FAM171B: variants seen among roughly 807,000 people sequenced by gnomAD.
FAM171B encodes family with sequence similarity 171 member B, also known as protein FAM171B.
In FAM171B, 19 loss-of-function variants were observed where a neutral mutation model predicts 75.6. That is an observed-to-expected ratio of 0.25 (90% CI 0.18 to 0.37). The LOEUF (loss-of-function observed/expected upper bound fraction) is 0.37, where lower values mean the gene tolerates loss of function less well. Ranked by LOEUF, FAM171B falls within the 10% of genes least tolerant of loss-of-function variation. The pLI, the probability that FAM171B is intolerant of heterozygous loss-of-function variation, is 1.00. For synonymous variants in FAM171B, 367 were observed against 361.7 expected (o/e 1.01, Z -0.17); for missense variants, 848 against 982.4 (o/e 0.86, Z 1.83).
At chr2:186,755,360 G>A (rs1044448405) in intron 6 of FAM171B, among the ~76,000 whole-genome samples, 1 of 152,110 alleles carries the variant, frequency 6.6e-6, no homozygotes, top group Admixed American at 6.5e-5. Context: ...TAAAAACAAA[G>A]CAAAACATTT....
intron 1 of FAM171B, among the ~76,000 whole-genome samples, chr2:186,701,823 T>C (rs181367583): frequency 5.3e-5 from 8 of 152,326 alleles, no homozygotes; most frequent in African/African-American, 1.7e-4. Context: ...ACCAATTATT[T>C]TTCTGAAACA....
intron 1 of FAM171B, among the ~76,000 whole-genome samples, chr2:186,705,551 A>G (rs181143823): frequency 4.3e-4 from 66 of 152,070 alleles, no homozygotes; most frequent in African/African-American, 1.4e-3. Context: ...GGCATCTCTG[A>G]CCCCTGAAAG....
chr2:186,716,819 T>C (rs1162556643), intron 1 of FAM171B, among the ~76,000 whole-genome samples: 2 of 152,248 alleles, frequency 1.3e-5, no homozygotes, highest in Non-Finnish European at 2.9e-5. Flanking sequence ...ATATTTTTCA[T>C]GTTTTTCCTC....
At chr2:186,751,381 C>T (rs111912488) in intron 5 of FAM171B, 77 bp downstream of exon 5, 283 of 1,277,228 alleles carry the variant, frequency 2.2e-4, no homozygotes, top group Non-Finnish European at 1.4e-5. Flanking sequence ...TATCTTAGAA[C>T]TTGATACAGC....
chr2:186,739,261 G>GCACC, intron 1 of FAM171B, among the ~76,000 whole-genome samples: 1 of 152,096 alleles, frequency 6.6e-6, no homozygotes, highest in Non-Finnish European at 1.5e-5. Flanking sequence ...TGTAGACTCT[G>GCACC]CAAACACTCC....
intron 4 of FAM171B, among the ~76,000 whole-genome samples, chr2:186,748,082 C>T (rs1690394784): frequency 1.3e-5 from 2 of 152,024 alleles, no homozygotes; most frequent in Admixed American, 1.3e-4. Context: ...ACCACCACAC[C>T]CAGCTAATCT....
At position 186,762,629 on chromosome 2, in the gene FAM171B, A is replaced by T. The variant is rs1475344327; in HGVS notation, c.2287A>T (p.Ile763Phe). 1 of 1,613,284 alleles carries T rather than the reference A, an allele frequency of 6.2e-7. No individual in the cohort carries two copies. Among genetic ancestry groups the T allele is most frequent in the Non-Finnish European group, 8.5e-7 (1 of 1,179,700 alleles). The change falls in exon 8 of 8, where the codon ATC becomes TTC. Residue 763 changes from isoleucine to phenylalanine, a missense_variant. By Grantham distance (21) the Ile-to-Phe change is conservative. This residue lies in a region of FAM171B where 136 missense variants were observed against 159.3 expected (regional missense o/e 0.85). Transcript: ENST00000304698. This position sits in a 1 kb window ranked among gnomAD's most constrained non-coding sequence, Gnocchi z 4.0. ...CSPEDPALRH[I>F]LDGGSGVIME... ...CCCTGAGGACCCAGCTTTAAGGCAC[A>T]TCCTAGATGGAGGGAGTGGAGTGAT...
At chr2:186,722,798 G>GTTAA (rs1407026442) in intron 1 of FAM171B, among the ~76,000 whole-genome samples, 1 of 152,128 alleles carries the variant, frequency 6.6e-6, no homozygotes, top group Non-Finnish European at 1.5e-5. Flanking sequence ...ATTGAAAAGT[G>GTTAA]TTAACATGGA....
chr2:186,757,290 G>GAAAC (rs1399038366), intron 6 of FAM171B, among the ~76,000 whole-genome samples: 1 of 152,004 alleles, frequency 6.6e-6, no homozygotes, highest in African/African-American at 2.4e-5. Flanking sequence ...TCTATGTTAG[G>GAAAC]AAACAGGATC....
chr2:186,747,931 TTTTTC>T (rs1232724163), intron 4 of FAM171B, among the ~76,000 whole-genome samples: 1 of 152,156 alleles, frequency 6.6e-6, no homozygotes, highest in African/African-American at 2.4e-5. Context: ...CACCATTTTT[TTTTTC>T]TTTTGAGACA....
intron 1 of FAM171B, among the ~76,000 whole-genome samples, chr2:186,739,556 A>G (rs1036226305): frequency 2.0e-5 from 3 of 152,118 alleles, no homozygotes; most frequent in African/African-American, 4.8e-5. Flanking sequence ...CCAGGCCTAC[A>G]CAGGGCAGGA....
intron 1 of FAM171B, among the ~76,000 whole-genome samples, chr2:186,727,585 G>C (rs1341757753): frequency 1.3e-5 from 2 of 151,648 alleles, no homozygotes; most frequent in Admixed American, 1.3e-4. Context: ...TCCAGTAAAA[G>C]TTTATTTACA....
intron 1 of FAM171B, among the ~76,000 whole-genome samples, chr2:186,728,913 G>A (rs1690073055): frequency 6.6e-6 from 1 of 152,094 alleles, no homozygotes; most frequent in South Asian, 2.1e-4. Flanking sequence ...AGACGTAAAT[G>A]TCACCCAAAT....
chr2:186,733,417 A>G (rs767958490), intron 1 of FAM171B, among the ~76,000 whole-genome samples: 32 of 152,270 alleles, frequency 2.1e-4, no homozygotes, highest in Non-Finnish European at 3.8e-4. Context: ...TCCCCCAAGA[A>G]TTTGGAGGTT....
At chr2:186,738,393 A>C (rs571800243) in intron 1 of FAM171B, among the ~76,000 whole-genome samples, 3 of 151,958 alleles carry the variant, frequency 2.0e-5, no homozygotes, top group African/African-American at 7.2e-5. Context: ...TGGAGAGGGG[A>C]CCCTGAAAGC....
chr2:186,752,661 C>T (rs930167469), intron 5 of FAM171B, among the ~76,000 whole-genome samples: 38 of 152,246 alleles, frequency 2.5e-4, no homozygotes, highest in African/African-American at 8.4e-4. Flanking sequence ...TCTAATGTAC[C>T]TTTCAGTGAC....
rs1453146682 is a variant in FAM171B, at chr2:186,761,633, A to G, written c.1291A>G (p.Lys431Glu). 2 of 1,612,420 alleles carry G rather than the reference A, an allele frequency of 1.2e-6. No homozygotes were observed. Among genetic ancestry groups the G allele is most frequent in the Non-Finnish European group, 1.7e-6 (2 of 1,179,116 alleles). ...AEDKSQLFNA[K>E]NSSYSPQKKE... ...GGACAAGTCGCAGTTATTCAATGCCAAAAACTCCTCATATAGTCCTCAGAA... is the reference window on the plus strand; with the variant it reads ...GGACAAGTCGCAGTTATTCAATGCCGAAAACTCCTCATATAGTCCTCAGAA... Residue 431 changes from lysine to glutamate, a missense_variant, in exon 8 of 8, where the codon AAA becomes GAA. Physicochemically the swap from Lys to Glu is moderately conservative, Grantham distance 56 (BLOSUM62 1). Around this residue, in one of 3 missense-constraint regions of FAM171B, gnomAD observed 665 missense variants for 729.0 expected, o/e 0.91. Coordinates refer to ENST00000304698, the MANE Select transcript of FAM171B (RefSeq NM_177454.4).
At chr2:186,743,353 G>T in intron 2 of FAM171B, 130 bp from the exon 3 acceptor site, 5 of 591,564 alleles carry the variant, frequency 8.5e-6, no homozygotes, top group South Asian at 2.2e-5. Context: ...GTTTTGAATT[G>T]CTCTTCCCAT....
chr2:186,695,671 T>A (rs1277539829), intron 1 of FAM171B, among the ~76,000 whole-genome samples: 1 of 152,186 alleles, frequency 6.6e-6, no homozygotes, highest in Admixed American at 6.5e-5. Flanking sequence ...GGAAAGCATG[T>A]GTTTCTGACA....
Sources: gnomAD v4.1 joint callset for allele counts (sites outside exome capture counted in the v4.1 genomes callset) on GRCh38, gnomAD v4.1.1 for gene constraint, gnomAD v4.1.1 regional missense constraint, Gnocchi (gnomAD v3.1) non-coding constraint, MANE v1.5 for transcripts, NCBI Gene and HGNC (gene_info 2026-07-23, HGNC 2026-07-21) for gene names.